The following MUC3A variants were observed in gnomAD, a reference collection of about 807,000 sequenced individuals.
MUC3A encodes the protein mucin-3A.
MUC3A carries 109 observed loss-of-function variants against 109.0 expected under a neutral mutation model. The observed-to-expected ratio is 1.00, with a 90% CI of 0.86 to 1.17. The LOEUF (loss-of-function observed/expected upper bound fraction) is 1.17, where lower values mean the gene tolerates loss of function less well. Among genes scored for constraint, MUC3A ranks in the 50% most tolerant of loss-of-function variants. MUC3A has a pLI of 0.00. For synonymous variants in MUC3A, 1,398 were observed against 981.4 expected (o/e 1.42, Z -7.93); for missense variants, 3,537 against 2,469.4 (o/e 1.43, Z -9.16).
chr7:100,965,146 G>T (rs1290858270), intron 6 of MUC3A, 136 bp from the exon 7 acceptor site: 3 of 1,598 alleles, frequency 1.9e-3, no homozygotes, highest in African/African-American at 0.013. Context: ...GGCTCTCTCC[G>T]TCTGGGAGAG....
At position 100,956,569 on chromosome 7, in the gene MUC3A, C is replaced by CT. The variant is rs1792102951; in HGVS notation, c.4790_4791insT (p.Ser1598LeufsTer32). On this transcript the variant is annotated frameshift_variant, in exon 2 of 12. Transcript: ENST00000379458. LOFTEE classifies it high-confidence loss of function. ...TCATTACCTATGATGACAGACCTCA[C>CT]CTCAGTGTACACAGTCTCCAGCATG... 8 of 448,980 alleles carry CT rather than the reference C, an allele frequency of 1.8e-5. No individual in the cohort carries two copies. Among genetic ancestry groups the CT allele is most frequent in the Middle Eastern group, 3.5e-4 (1 of 2,870 alleles). The allele number at this position is 448,980 out of a possible 1,614,324, so 27.8% of individuals were successfully genotyped here.
At position 100,964,733 on chromosome 7, in the gene MUC3A, A is replaced by T. The variant is rs746371603; in HGVS notation, c.9272A>T (p.Glu3091Val). ...SIVVDYLVLL[E>V]MPFSPQLESE... ...GTGGTGGACTACCTGGTCCTGCTGG[A>T]GATGCCCTTCAGCCCCCAGCTGGAG... is the stretch of plus-strand genomic sequence containing the variant. The change falls in exon 6 of 12, where the codon GAG becomes GTG. Residue 3091 changes from glutamate (E) to valine (V), a missense_variant. Glu to Val is a moderately radical substitution (Grantham distance 121, BLOSUM62 -2). Coordinates refer to ENST00000379458, the MANE Select transcript of MUC3A (RefSeq NM_005960.2). 1 of 1,598,484 alleles carries T rather than the reference A, an allele frequency of 6.3e-7. No individual in the cohort carries two copies. The highest frequency in any genetic ancestry group is 2.2e-5 in the East Asian group (1 of 44,890).
In MUC3A at chr7:100,952,542, TC is replaced by T; in HGVS notation, c.765del (p.Thr256LeufsTer14). ...TACTACTCTCAAAACAGCAGTGACTTCCACTTCCCCCATCACTTCTTCAATC... is the reference window on the plus strand; with the variant it reads ...TACTACTCTCAAAACAGCAGTGACTTCACTTCCCCCATCACTTCTTCAATC... ...VFTTLKTAVT[S>X]TSPITSSITS... On this transcript the variant is annotated frameshift_variant, in exon 2 of 12. Transcript: ENST00000379458. LOFTEE classifies it high-confidence loss of function. 3.1e-6 allele frequency: 5 copies of T among 1,598,486 alleles called. No homozygotes were observed. Among genetic ancestry groups the T allele is most frequent in the Non-Finnish European group, 4.2e-6 (5 of 1,179,734 alleles).
intron 8 of MUC3A, 117 bp from the exon 9 acceptor site, chr7:100,966,269 A>AACCCCCAGCTTGCCCTAGGGTGGAAC: frequency 3.0e-6 from 3 of 984,760 alleles, no homozygotes; most frequent in Non-Finnish European, 2.6e-6. Flanking sequence ...CTAGGGTGGA[A>AACCCCCAGCTTGCCCTAGGGTGGAAC]CCCCCCGCTG....
chr7:100,952,470 C>A lies in MUC3A; in HGVS notation c.691C>A (p.Leu231Met). ...AACTAGAACCACAGAAAGGACTCCC[C>A]TGCCCACTGGAAGCATCCATACAAC... Reference protein sequence around the residue: ...STTRTTERTPLPTGSIHTTTS... With the variant: ...STTRTTERTPMPTGSIHTTTS... Residue 231 changes from leucine (L) to methionine (M), a missense_variant, in exon 2 of 12, where the codon CTG becomes ATG. Coordinates refer to ENST00000379458, the MANE Select transcript of MUC3A (RefSeq NM_005960.2). The A allele has an allele frequency of 6.3e-7, 1 of 1,598,590 alleles. No homozygotes were observed. Among genetic ancestry groups the A allele is most frequent in the Non-Finnish European group, 8.5e-7 (1 of 1,179,814 alleles).
At chr7:100,964,073 GAGAGAA>G in intron 5 of MUC3A, 28 of 506,612 alleles carry the variant, frequency 5.5e-5, no homozygotes, top group Non-Finnish European at 6.7e-5. Context: ...GAAAGAGAGA[GAGAGAA>G]AGAGAGAGAG....
Position 100,952,563 on chromosome 7 carries a change from TC to T in MUC3A, c.785del (p.Ser262Ter). The T allele has an allele frequency of 1.9e-6, 3 of 1,569,360 alleles. No individual in the cohort carries two copies. Among genetic ancestry groups the T allele is most frequent in the Non-Finnish European group, 2.6e-6 (3 of 1,154,588 alleles). On this transcript the variant is annotated frameshift_variant, in exon 2 of 12. Transcript: ENST00000379458. LOFTEE classifies it high-confidence loss of function. ...AVTSTSPITS[S>X]ITSTNTVTSM... Reference sequence around the variant, plus strand: ...GACTTCCACTTCCCCCATCACTTCTTCAATCACTTCCACAAATACAGTGACT... The same window carrying T: ...GACTTCCACTTCCCCCATCACTTCTTAATCACTTCCACAAATACAGTGACT...
chr7:100,965,842 T>C lies in MUC3A; in HGVS notation c.9587T>C (p.Leu3196Pro), dbSNP rs1160801108. 6.3e-7 allele frequency: 1 copy of C among 1,596,274 alleles called. No individual in the cohort carries two copies. Among genetic ancestry groups the C allele is most frequent in the Admixed American group, 1.7e-5 (1 of 59,860 alleles). ...GACTGTCACCAGGGCCAGTGCGTTC[T>C]GGAGACGAGCGGTCCCACGTGTCGG... ...AIDCHQGQCV[L>P]ETSGPTCRCY... The change falls in exon 8 of 12, where the codon CTG becomes CCG. Residue 3196 changes from leucine (L) to proline (P), a missense_variant. Physicochemically the swap from Leu to Pro is moderately conservative, Grantham distance 98 (BLOSUM62 -3). Transcript: ENST00000379458.
At chr7:100,964,399 G>A (rs1476716049) in intron 5 of MUC3A, 6 of 401,006 alleles carry the variant, frequency 1.5e-5, no homozygotes, top group African/African-American at 1.2e-4. Flanking sequence ...GTTGGAGGCT[G>A]CAGTGAGCTA....
chr7:100,959,407 C>T lies in MUC3A; in HGVS notation c.7628C>T (p.Thr2543Ile). The T allele has an allele frequency of 6.5e-7, 1 of 1,535,492 alleles. No homozygotes were observed. Among genetic ancestry groups the T allele is most frequent in the East Asian group, 2.2e-5 (1 of 44,604 alleles). The change falls in exon 2 of 12, where the codon ACC (threonine) becomes ATC (isoleucine). Residue 2543 changes from threonine (T) to isoleucine (I), a missense_variant. By Grantham distance (89) the Thr-to-Ile change is moderately conservative (BLOSUM62 -1). Coordinates refer to ENST00000379458, the MANE Select transcript of MUC3A (RefSeq NM_005960.2). ...QSTETSSLVG[T>I]TSPTMSTVRM... The stretch of plus-strand genomic sequence containing the variant: ...ACAGAAACCTCATCCCTTGTGGGCA[C>T]CACCTCTCCCACCATGTCCACTGTG...
chr7:100,951,482 G>T (rs2116153030), intron 1 of MUC3A, among the ~76,000 whole-genome samples: 1 of 152,422 alleles, frequency 6.6e-6, no homozygotes. Context: ...GCAGGGGGAG[G>T]AGAGGAAGGG....
In MUC3A at chr7:100,959,452, C is replaced by CT; in HGVS notation, c.7674dup (p.Glu2559Ter). ...ACTGTGAGAATGACCCTCAGAATTA[C>CT]TGAGAACACCCCAATCAGTTCCTTT... On this transcript the variant is annotated frameshift_variant, in exon 2 of 12. Coordinates refer to ENST00000379458, the MANE Select transcript of MUC3A (RefSeq NM_005960.2). LOFTEE classifies it high-confidence loss of function. 6.4e-7 allele frequency: 1 copy of CT among 1,560,252 alleles called. No individual in the cohort carries two copies. The highest frequency in any genetic ancestry group is 8.6e-7 in the Non-Finnish European group (1 of 1,163,856).
At position 100,955,081 on chromosome 7, in the gene MUC3A, A is replaced by G. The variant is rs1584801159; in HGVS notation, c.3302A>G (p.Glu1101Gly). ...PTSIVSDSTT[E>G]ITYSTSITGT... ...AGCATTGTCTCAGACTCCACGACTG[A>G]AATCACCTATTCCACAAGTATAACA... The change falls in exon 2 of 12, where the codon GAA (glutamate) becomes GGA (glycine). Residue 1101 changes from glutamate to glycine, a missense_variant. Transcript: ENST00000379458. 1.7e-6 allele frequency: 1 copy of G among 594,348 alleles called. No homozygotes were observed. The highest frequency in any genetic ancestry group is 1.9e-5 in the African/African-American group (1 of 53,422). The allele number at this position is 594,348 out of a possible 1,614,324, so 36.8% of individuals were successfully genotyped here. A position where few individuals can be genotyped will look rare whatever the true frequency, so the allele number is the denominator to read the frequency against.
chr7:100,966,378 T>A lies in MUC3A; in HGVS notation c.9612-8T>A. The A allele has an allele frequency of 7.5e-7, 1 of 1,325,110 alleles. No homozygotes were observed. Among genetic ancestry groups the A allele is most frequent in the Non-Finnish European group, 9.6e-7 (1 of 1,043,296 alleles). 82.1% of individuals were successfully genotyped at this position (1,325,110 alleles called of 1,614,324 possible). On this transcript the variant is annotated splice_polypyrimidine_tract_variant and splice_region_variant and intron_variant, in intron 8 of 11. Coordinates refer to ENST00000379458, the MANE Select transcript of MUC3A (RefSeq NM_005960.2). ...GTGAAGAGGGTCTGACCCTGCGATC[T>A]CCCGCAGCTGCTACTCCACCGACAC...
At chr7:100,966,322 C>G in intron 8 of MUC3A, 64 bp from the exon 9 acceptor site, 1 of 1,270,152 alleles carries the variant, frequency 7.9e-7, no homozygotes, top group Non-Finnish European at 9.9e-7. Flanking sequence ...CCCGCGGGGC[C>G]CAGGTGCACG....
chr7:100,956,861 T>C lies in MUC3A; in HGVS notation c.5082T>C (p.Ala1694=). The stretch of plus-strand genomic sequence containing the variant: ...TCACCAGTACACTCCACACAACAGC[T>C]GAATCCACCCCATCACCTACAACCA... ...PAITSTLHTT[A]ESTPSPTTTM... is the part of the protein sequence containing the mutation. The change falls in exon 2 of 12, where the codon GCT becomes GCC. Residue 1694 remains alanine (A), a synonymous_variant. Transcript: ENST00000379458. The C allele has an allele frequency of 2.4e-6, 1 of 413,830 alleles. No homozygotes were observed. Among genetic ancestry groups the C allele is most frequent in the Non-Finnish European group, 4.2e-6 (1 of 236,630 alleles). The allele number at this position is 413,830 out of a possible 1,614,324, so 25.6% of individuals were successfully genotyped here.
At chr7:100,965,014 C>G in intron 6 of MUC3A, 171 bp downstream of exon 6, 1 of 1,182,640 alleles carries the variant, frequency 8.5e-7, no homozygotes, top group South Asian at 1.6e-5. Context: ...TAGGGAGGGT[C>G]TCCCCGTGAC....
chr7:100,957,296 C>A lies in MUC3A; in HGVS notation c.5517C>A (p.Thr1839=). The part of the protein sequence containing the change: ...SDTSSTPTSE[T]TYPTSLTSAL... ...CCAGTTCTACACCTACATCTGAGACCACCTACCCTACTTCTCTTACTAGTG... is the reference window on the plus strand; with the variant it reads ...CCAGTTCTACACCTACATCTGAGACAACCTACCCTACTTCTCTTACTAGTG... The change falls in exon 2 of 12, where the codon ACC becomes ACA. Residue 1839 remains threonine (T), a synonymous_variant. Coordinates refer to ENST00000379458, the MANE Select transcript of MUC3A (RefSeq NM_005960.2). 1 of 468,140 alleles carries A rather than the reference C, an allele frequency of 2.1e-6. No individual in the cohort carries two copies. Among genetic ancestry groups the A allele is most frequent in the South Asian group, 2.7e-5 (1 of 36,582 alleles). 29.0% of individuals were successfully genotyped at this position (468,140 alleles called of 1,614,324 possible). A position where few individuals can be genotyped will look rare whatever the true frequency, so the allele number is the denominator to read the frequency against.
chr7:100,952,834 CCTACTCCACAAGT>C lies in MUC3A; in HGVS notation c.1056_1068del (p.Tyr353Ter). ...GTCACAGACTCCACTACCAAAATCG[CCTACTCCACAAGT>C]ATGACAGGTACATTGTCCACAGAGA... On this transcript the variant is annotated frameshift_variant, in exon 2 of 12. Coordinates refer to ENST00000379458, the MANE Select transcript of MUC3A (RefSeq NM_005960.2). LOFTEE classifies it high-confidence loss of function. 7.3e-7 allele frequency: 1 copy of C among 1,361,532 alleles called. No homozygotes were observed. Among genetic ancestry groups the C allele is most frequent in the Non-Finnish European group, 9.4e-7 (1 of 1,064,638 alleles). 84.3% of individuals were successfully genotyped at this position (1,361,532 alleles called of 1,614,324 possible). A position where few individuals can be genotyped will look rare whatever the true frequency, so the allele number is the denominator to read the frequency against.
Sources: allele counts gnomAD v4.1 joint callset (sites outside exome capture counted in the v4.1 genomes callset), GRCh38; gene constraint gnomAD v4.1.1; transcripts MANE v1.5; gene names NCBI Gene and HGNC (gene_info 2026-07-23, HGNC 2026-07-21).